APOBEC3F: variants seen among roughly 807,000 people sequenced by gnomAD.
APOBEC3F encodes apolipoprotein B mRNA editing enzyme catalytic subunit 3F, also known as DNA dC->dU-editing enzyme APOBEC-3F.
In APOBEC3F, 34 loss-of-function variants were observed where a neutral mutation model predicts 45.8. The ratio of observed to expected loss-of-function variants is 0.74; its 90% CI spans 0.57 to 0.99. APOBEC3F has a LOEUF of 0.99. Ranked by LOEUF, APOBEC3F falls within the 50% of genes least tolerant of loss-of-function variation. The pLI is 0.00. For missense variants in APOBEC3F, 459 were observed against 474.1 expected (o/e 0.97, Z 0.30); for synonymous variants, 192 against 174.4 (o/e 1.10, Z -0.80).
At position 39,052,214 on chromosome 22, in the gene APOBEC3F, C is replaced by T. The variant is rs772080984; in HGVS notation, c.864C>T (p.Ala288=). 45 of 1,614,004 alleles carry T rather than the reference C, an allele frequency of 2.8e-5. 1 individual carries two copies. The South Asian group carries it at 2.9e-4, about 10-fold the overall frequency. ...GCCCAGAGTGTGCAGGGGAGGTGGC[C>T]GAGTTCCTGGCCAGGCACAGCAACG... is the stretch of plus-strand genomic sequence containing the variant. ...SPCPECAGEV[A]EFLARHSNVN... The change falls in exon 6 of 7, where the codon GCC becomes GCT. Residue 288 remains alanine (A), a synonymous_variant. Coordinates refer to ENST00000308521, the MANE Select transcript of APOBEC3F (RefSeq NM_145298.6).
intron 1 of APOBEC3F, among the ~76,000 whole-genome samples, chr22:39,042,676 A>T (rs1926975074): frequency 6.6e-6 from 1 of 152,130 alleles, no homozygotes; most frequent in African/African-American, 2.4e-5. Context: ...AATACTGGGA[A>T]GGTGGGGAAT....
rs1555902859 is a variant in APOBEC3F at position 39,052,988 on chromosome 22, A to AT, written c.*309dup. The AT allele has an allele frequency of 0.015, 3,305 of 215,324 alleles. 2 individuals carry two copies. The highest frequency in any genetic ancestry group is 0.018 in the Non-Finnish European group (2,256 of 122,690). The allele number at this position is 215,324 out of a possible 1,614,324, so 13.3% of individuals were successfully genotyped here. Reference sequence around the variant, plus strand: ...TCCCATCTCCCCAGCATAACCTAATATTTTTTTTTTTTTTTTGAGACGGAA... The same window carrying AT: ...TCCCATCTCCCCAGCATAACCTAATATTTTTTTTTTTTTTTTTGAGACGGAA... On this transcript the variant is annotated 3_prime_UTR_variant, in exon 7 of 7. Coordinates refer to ENST00000308521, the MANE Select transcript of APOBEC3F (RefSeq NM_145298.6).
At chr22:39,041,087 C>A in intron 1 of APOBEC3F, 110 bp downstream of exon 1, 1 of 1,516,226 alleles carries the variant, frequency 6.6e-7, no homozygotes, top group South Asian at 1.2e-5. Flanking sequence ...GCCCTGGGCT[C>A]CCTCCCCTCT....
chr22:39,045,353 GCCAGGAGA>G, intron 3 of APOBEC3F, 67 bp from the exon 4 acceptor site: 1 of 1,609,436 alleles, frequency 6.2e-7, no homozygotes, highest in South Asian at 1.1e-5. Flanking sequence ...GCAACTGACA[GCCAGGAGA>G]CCAGGCCTGG....
At chr22:39,052,540 G>C (rs370774827) in intron 6 of APOBEC3F, 37 bp from the exon 7 acceptor site, 35 of 1,595,846 alleles carry the variant, frequency 2.2e-5, no homozygotes, top group Non-Finnish European at 2.7e-5. Flanking sequence ...AGAGAAGCCT[G>C]CTGGGCCCTC....
intron 3 of APOBEC3F, 39 bp from the exon 4 acceptor site, chr22:39,045,389 C>G: frequency 6.2e-7 from 1 of 1,613,836 alleles, no homozygotes. Flanking sequence ...GGCCCAGGGT[C>G]AGGGCAGAGC....
intron 2 of APOBEC3F, among the ~76,000 whole-genome samples, chr22:39,044,675 G>T (rs1348183858): frequency 5.3e-5 from 8 of 152,116 alleles, no homozygotes; most frequent in South Asian, 2.1e-4. Flanking sequence ...GAATAAACAC[G>T]CCAGTAGCAC....
At chr22:39,044,169 C>A in intron 2 of APOBEC3F, 1 of 1,602,464 alleles carries the variant, frequency 6.2e-7, no homozygotes, top group South Asian at 1.1e-5. Context: ...CAGCGCAGGT[C>A]CAGTGGCCTC....
chr22:39,048,280 C>A (rs371355373), intron 4 of APOBEC3F, among the ~76,000 whole-genome samples: 9 of 152,212 alleles, frequency 5.9e-5, no homozygotes, highest in Non-Finnish European at 2.9e-5. Flanking sequence ...CAGGTTACCC[C>A]GCCTCTCTGT....
intron 1 of APOBEC3F, among the ~76,000 whole-genome samples, chr22:39,041,280 G>A (rs923005390): frequency 1.3e-5 from 2 of 152,170 alleles, no homozygotes; most frequent in African/African-American, 4.8e-5. Context: ...TGCTCCCTCT[G>A]TGTTCTTTCC....
rs11394712 is a variant in APOBEC3F, at chr22:39,055,077, C to CTTT, written c.*2394_*2396dup. Among the ~76,000 whole-genome samples the CTTT allele has an allele frequency of 8.3e-5, 12 of 144,254 alleles. No homozygotes were observed. Among genetic ancestry groups the CTTT allele is most frequent in the African/African-American group, 2.8e-4 (11 of 38,644 alleles). 94.6% of individuals were successfully genotyped at this position (144,254 alleles called of 152,430 possible). A position where few individuals can be genotyped will look rare whatever the true frequency, so the allele number is the denominator to read the frequency against. ...CTGGGGTCTCTCTGCTTCCAAATATCTTTTTTTTTTTTTTCAGACAGTTTT... is the reference window on the plus strand; with the variant it reads ...CTGGGGTCTCTCTGCTTCCAAATATCTTTTTTTTTTTTTTTTTCAGACAGTTTT... On this transcript the variant is annotated 3_prime_UTR_variant, in exon 7 of 7. Coordinates refer to ENST00000308521, the MANE Select transcript of APOBEC3F (RefSeq NM_145298.6).
At chr22:39,044,065 G>A (rs1171790580) in intron 2 of APOBEC3F, 4 of 1,537,364 alleles carry the variant, frequency 2.6e-6, no homozygotes, top group African/African-American at 1.4e-5. Flanking sequence ...AATGAGCGGT[G>A]TATGGTGTAT....
intron 1 of APOBEC3F, among the ~76,000 whole-genome samples, chr22:39,041,502 CA>C (rs1193438277): frequency 6.6e-6 from 1 of 152,124 alleles, no homozygotes; most frequent in Non-Finnish European, 1.5e-5. Flanking sequence ...GAGGAGGATG[CA>C]GATGACCCCA....
In APOBEC3F at chr22:39,043,050, C is replaced by G. The variant is rs1384522169; in HGVS notation, c.131C>G (p.Pro44Arg). 1 of 1,614,180 alleles carries G rather than the reference C, an allele frequency of 6.2e-7. No homozygotes were observed. The highest frequency in any genetic ancestry group is 2.2e-5 in the East Asian group (1 of 44,888). Residue 44 changes from proline to arginine, a missense_variant, in exon 2 of 7, where the codon CCC becomes CGC. Transcript: ENST00000308521. Reference protein sequence around the residue: ...WLCYEVKTKGPSRPRLDAKIF... With the variant: ...WLCYEVKTKGRSRPRLDAKIF... ...TGCTACGAAGTGAAAACAAAGGGTC[C>G]CTCAAGGCCCCGTTTGGACGCAAAG...
chr22:39,044,162 C>T (rs746113382), intron 2 of APOBEC3F: 36 of 1,597,460 alleles, frequency 2.3e-5, no homozygotes, highest in Non-Finnish European at 2.8e-5. Flanking sequence ...CATGGGACAG[C>T]GCAGGTCCAG....
At position 39,049,583 on chromosome 22, in the gene APOBEC3F, T is replaced by G; in HGVS notation, c.723+2T>G. On this transcript the variant is annotated splice_donor_variant, in intron 5 of 6. Transcript: ENST00000308521. LOFTEE classifies it high-confidence loss of function. ...AAGAGGGGCGTCTTCCGAAACCAGG[T>G]AGCACCAAAGTCCTATTTACACCCC... 6.2e-7 allele frequency: 1 copy of G among 1,613,892 alleles called. No individual in the cohort carries two copies. Among genetic ancestry groups the G allele is most frequent in the Non-Finnish European group, 8.5e-7 (1 of 1,179,928 alleles).
rs1433950959 is a variant in APOBEC3F at position 39,052,345 on chromosome 22, G to A, written c.995G>A (p.Gly332Asp). The A allele has an allele frequency of 6.2e-7, 1 of 1,614,006 alleles. No individual in the cohort carries two copies. Among genetic ancestry groups the A allele is most frequent in the African/African-American group, 1.3e-5 (1 of 74,930 alleles). The part of the protein sequence containing the change: ...SQEGASVEIM[G>D]YKDFKYCWEN... ...GAAGGGGCCTCCGTGGAGATCATGG[G>A]CTACAAAGGTGAGACGTTGGGGGGC... Residue 332 changes from glycine to aspartate, a missense_variant, in exon 6 of 7, where the codon GGC (glycine) becomes GAC (aspartate). Transcript: ENST00000308521.
intron 4 of APOBEC3F, among the ~76,000 whole-genome samples, chr22:39,047,816 G>C (rs549949599): frequency 2.1e-4 from 32 of 151,698 alleles, no homozygotes; most frequent in Non-Finnish European, 3.5e-4. Context: ...TGTGCTTCTC[G>C]CCATTCCTGA....
At chr22:39,044,150 C>T (rs777892777) in intron 2 of APOBEC3F, 45 of 1,589,642 alleles carry the variant, frequency 2.8e-5, no homozygotes, top group Non-Finnish European at 3.4e-5. Flanking sequence ...TGCGCCCCAC[C>T]ACATGGGACA....
Sources: allele counts gnomAD v4.1 joint callset (sites outside exome capture counted in the v4.1 genomes callset), GRCh38; gene constraint gnomAD v4.1.1; transcripts MANE v1.5; gene names NCBI Gene and HGNC (gene_info 2026-07-23, HGNC 2026-07-21).